Variants in CEMIP observed in about 807,000 individuals in gnomAD.
CEMIP encodes the protein cell migration-inducing and hyaluronan-binding protein.
Under a neutral mutation model 156.9 loss-of-function variants are expected in CEMIP, and 105 were observed. That is an observed-to-expected ratio of 0.67 (90% CI 0.57 to 0.79). CEMIP has a LOEUF of 0.79. Ranked by LOEUF, CEMIP falls within the 30% of genes least tolerant of loss-of-function variation. CEMIP has a pLI of 0.00. For synonymous variants in CEMIP, 676 were observed against 668.4 expected, an observed-to-expected ratio of 1.01 and a Z score of -0.17; for missense variants, 1,457 against 1,769.4, an observed-to-expected ratio of 0.82 and a Z score of 3.17.
chr15:80,883,234 T>C (rs773283680), intron 6 of CEMIP, among the ~76,000 whole-genome samples: 2 of 152,244 alleles, frequency 1.3e-5, no homozygotes, highest in Non-Finnish European at 2.9e-5. Flanking sequence ...GGGGAAGAGT[T>C]GGAATCATTA....
At chr15:80,840,396 C>T (rs971057060) in intron 1 of CEMIP, among the ~76,000 whole-genome samples, 2 of 152,150 alleles carry the variant, frequency 1.3e-5, no homozygotes, top group Non-Finnish European at 2.9e-5. Context: ...ACCCTCCTTC[C>T]TGGCAGGGAC....
At chr15:80,876,126 A>G (rs1300042415) in intron 3 of CEMIP, among the ~76,000 whole-genome samples, 2 of 152,192 alleles carry the variant, frequency 1.3e-5, no homozygotes, top group Non-Finnish European at 2.9e-5. Context: ...CCTTGCCTGG[A>G]CCACTGGGAT....
At chr15:80,896,910 T>C (rs1216212934) in intron 12 of CEMIP, among the ~76,000 whole-genome samples, 1 of 152,180 alleles carries the variant, frequency 6.6e-6, no homozygotes, top group Non-Finnish European at 1.5e-5. Flanking sequence ...ATGGACTGTA[T>C]CCTTAAGGCA....
intron 21 of CEMIP, 113 bp from the exon 22 acceptor site, chr15:80,931,746 C>A: frequency 9.6e-7 from 1 of 1,041,900 alleles, no homozygotes; most frequent in Non-Finnish European, 1.5e-6. Context: ...GAAGTCTCTG[C>A]TACCATCCAC....
intron 1 of CEMIP, among the ~76,000 whole-genome samples, chr15:80,797,104 G>T (rs1206851575): frequency 6.6e-6 from 1 of 152,146 alleles, no homozygotes; most frequent in African/African-American, 2.4e-5. Context: ...GGTTGGAAAG[G>T]TTCGTGTGAC....
intron 1 of CEMIP, among the ~76,000 whole-genome samples, chr15:80,830,883 C>A (rs1290401666): frequency 1.3e-5 from 2 of 152,084 alleles, no homozygotes; most frequent in African/African-American, 4.8e-5. Context: ...AGTTTCCATA[C>A]CTGTAAAATG....
intron 1 of CEMIP, among the ~76,000 whole-genome samples, chr15:80,840,579 C>T (rs1745768654): frequency 6.6e-6 from 1 of 152,198 alleles, no homozygotes; most frequent in South Asian, 2.1e-4. Flanking sequence ...CTGGCTCCTA[C>T]AGCATTCCCT....
intron 1 of CEMIP, among the ~76,000 whole-genome samples, chr15:80,841,357 A>G (rs979468763): frequency 4.6e-5 from 7 of 152,114 alleles, no homozygotes; most frequent in African/African-American, 1.7e-4. Flanking sequence ...CATGACAGTG[A>G]TGGGTTGGGG....
chr15:80,864,495 C>T (rs141873301), intron 1 of CEMIP, among the ~76,000 whole-genome samples: 11 of 152,366 alleles, frequency 7.2e-5, no homozygotes, highest in East Asian at 1.9e-4. Context: ...TGGCGACACA[C>T]TGACCTTTAT....
chr15:80,931,500 A>G (rs907972444), intron 21 of CEMIP, among the ~76,000 whole-genome samples: 20 of 152,160 alleles, frequency 1.3e-4, no homozygotes, highest in Admixed American at 3.3e-4. Context: ...TATGTAATGG[A>G]AAAATTGGGG....
At chr15:80,921,210 T>C (rs1900458743) in intron 16 of CEMIP, 109 bp downstream of exon 16, 1 of 1,019,898 alleles carries the variant, frequency 9.8e-7, no homozygotes, top group Non-Finnish European at 1.5e-6. Context: ...CAAGCCCAGA[T>C]ATCCATGCAG....
chr15:80,801,514 A>G (rs996245555), intron 1 of CEMIP, among the ~76,000 whole-genome samples: 1 of 152,230 alleles, frequency 6.6e-6, no homozygotes, highest in Non-Finnish European at 1.5e-5. Context: ...CTCAAAACCC[A>G]ATGGCACACC....
intron 1 of CEMIP, among the ~76,000 whole-genome samples, chr15:80,871,784 C>G (rs896451646): frequency 4.6e-4 from 70 of 152,310 alleles, no homozygotes; most frequent in African/African-American, 1.6e-3. Flanking sequence ...TAATATGCTC[C>G]TATTCCTGCT....
intron 12 of CEMIP, chr15:80,900,922 A>G (rs1245526961): frequency 2.2e-6 from 1 of 455,520 alleles, no homozygotes; most frequent in Admixed American, 2.4e-5. Context: ...CATTGCTCCC[A>G]GATTTCATTC....
At chr15:80,809,624 T>C (rs1896608136) in intron 1 of CEMIP, among the ~76,000 whole-genome samples, 1 of 152,200 alleles carries the variant, frequency 6.6e-6, no homozygotes, top group African/African-American at 2.4e-5. Flanking sequence ...TCTCTACCCA[T>C]GGTGTCACCA....
chr15:80,948,658 T>C, intron 29 of CEMIP, 139 bp from the exon 30 acceptor site: 1 of 1,160,730 alleles, frequency 8.6e-7, no homozygotes, highest in Non-Finnish European at 1.3e-6. Context: ...CACAGAGCTC[T>C]TCCCAAGGGG....
intron 1 of CEMIP, among the ~76,000 whole-genome samples, chr15:80,866,967 C>G (rs1428907995): frequency 2.0e-5 from 3 of 151,928 alleles, no homozygotes; most frequent in Admixed American, 2.0e-4. Flanking sequence ...GACATGTGTC[C>G]CATAACTTGA....
chr15:80,900,332 G>C (rs1326644050), intron 12 of CEMIP, among the ~76,000 whole-genome samples: 1 of 148,168 alleles, frequency 6.7e-6, no homozygotes, highest in Non-Finnish European at 1.5e-5. Flanking sequence ...ATGCAGGGGG[G>C]CAGCTCCAGG....
intron 1 of CEMIP, among the ~76,000 whole-genome samples, chr15:80,809,466 A>G (rs1896604004): frequency 6.6e-6 from 1 of 152,250 alleles, no homozygotes; most frequent in African/African-American, 2.4e-5. Flanking sequence ...GTTTCTATAA[A>G]GTGTGAATTT....
Sources: allele counts gnomAD v4.1 joint callset (sites outside exome capture counted in the v4.1 genomes callset), GRCh38; gene constraint gnomAD v4.1.1; transcripts MANE v1.5; gene names NCBI Gene and HGNC (gene_info 2026-07-23, HGNC 2026-07-21).